MAP3K14: variants seen among roughly 807,000 people sequenced by gnomAD.
MAP3K14 encodes mitogen-activated protein kinase kinase kinase 14.
In MAP3K14, 16 loss-of-function variants were observed where a neutral mutation model predicts 99.2. The ratio of observed to expected loss-of-function variants is 0.16; its 90% CI spans 0.11 to 0.24. The LOEUF is 0.24. MAP3K14 is among the 10% of genes least tolerant of loss of function. The pLI is 1.00. For synonymous variants in MAP3K14, 462 were observed against 492.4 expected (o/e 0.94, Z 0.82); for missense variants, 784 against 1,208.7 (o/e 0.65, Z 5.21).
At chr17:45,291,103 T>A in intron 1 of MAP3K14, 1 of 222,198 alleles carries the variant, frequency 4.5e-6, no homozygotes, top group Non-Finnish European at 9.2e-6. Flanking sequence ...GATGGCTCGA[T>A]CTTTTTCTGT....
Position 45,316,940 on chromosome 17 carries a change from G to T in MAP3K14, c.-21+20C>A, listed in dbSNP as rs537757916. 5 of 152,076 alleles carry T rather than the reference G, an allele frequency of 3.3e-5. No individual in the cohort carries two copies. The South Asian group carries it at 1.0e-3, about 31-fold the overall frequency. The allele number at this position is 152,076 out of a possible 1,614,324, so 9.4% of individuals were successfully genotyped here. A position where few individuals can be genotyped will look rare whatever the true frequency, so the allele number is the denominator to read the frequency against. On this transcript the variant is annotated intron_variant, in intron 1 of 15. Coordinates refer to ENST00000344686, the MANE Select transcript of MAP3K14 (RefSeq NM_003954.5). ...CTGGTCGCCTCGCACCGGGCCCCAG[G>T]GTCCCGCCCCGTCACCTACCGGCCA...
intron 1 of MAP3K14, among the ~76,000 whole-genome samples, chr17:45,309,716 C>T (rs1227109752): frequency 2.0e-5 from 3 of 152,184 alleles, no homozygotes; most frequent in Non-Finnish European, 2.9e-5. Flanking sequence ...AAGCAGGTGT[C>T]CTGAAAGATG....
intron 14 of MAP3K14, among the ~76,000 whole-genome samples, chr17:45,265,547 C>T (rs924004949): frequency 3.9e-5 from 6 of 152,244 alleles, no homozygotes; most frequent in African/African-American, 1.4e-4. Flanking sequence ...AAGTGATTCT[C>T]CTGCCTCAGC....
chr17:45,290,925 A>G lies in MAP3K14; in HGVS notation c.-20-160T>C, dbSNP rs35351312. 105 of 643,158 alleles carry G rather than the reference A, an allele frequency of 1.6e-4. No individual in the cohort carries two copies. In the African/African-American group the frequency reaches 1.7e-3, roughly 11 times the overall value. 39.8% of individuals were successfully genotyped at this position (643,158 alleles called of 1,614,324 possible). A position where few individuals can be genotyped will look rare whatever the true frequency, so the allele number is the denominator to read the frequency against. ...CATCCTCCAAACATCCTCAATGGTA[A>G]CAGAGTCCACCTCTCAACAGCTACA... On this transcript the variant is annotated intron_variant, in intron 1 of 15. Coordinates refer to ENST00000344686, the MANE Select transcript of MAP3K14 (RefSeq NM_003954.5).
At chr17:45,295,742 C>T (rs2044342085) in intron 1 of MAP3K14, among the ~76,000 whole-genome samples, 2 of 152,246 alleles carry the variant, frequency 1.3e-5, no homozygotes, top group African/African-American at 4.8e-5. Context: ...CTCTTAGCTC[C>T]TTCAGAGCTG....
At chr17:45,282,018 G>A (rs1048417370) in intron 6 of MAP3K14, 3 of 152,094 alleles carry the variant, frequency 2.0e-5, no homozygotes, top group African/African-American at 7.2e-5. Flanking sequence ...AAAAGCAAAA[G>A]TCTCCATTCC....
chr17:45,285,109 G>A (rs1353330934), intron 5 of MAP3K14, among the ~76,000 whole-genome samples, 160 bp from the exon 6 acceptor site: 3 of 152,216 alleles, frequency 2.0e-5, no homozygotes, highest in South Asian at 4.1e-4. Context: ...GATCTGAGCC[G>A]GGCAGCACCA....
intron 1 of MAP3K14, among the ~76,000 whole-genome samples, chr17:45,315,545 A>G (rs892142258): frequency 6.6e-6 from 1 of 152,366 alleles, no homozygotes. Context: ...ACTGATTGAT[A>G]TCACTTAAAA....
rs1361791399 is a variant in MAP3K14, at chr17:45,278,272, CA to C, written c.1291-3680del. ...AGGTGGGAGGAGATACTTCAAAATA[CA>C]AGGTGCTTTAGAAGTCGGTGCCAGA... On this transcript the variant is annotated intron_variant, in intron 6 of 15. Coordinates refer to ENST00000344686, the MANE Select transcript of MAP3K14 (RefSeq NM_003954.5). Among the ~76,000 whole-genome samples, 7 of 152,276 alleles carry C rather than the reference CA, an allele frequency of 4.6e-5. No homozygotes were observed. The East Asian group carries it at 1.3e-3, about 29-fold the overall frequency.
intron 1 of MAP3K14, among the ~76,000 whole-genome samples, chr17:45,305,597 G>A (rs1052385101): frequency 2.6e-5 from 4 of 151,966 alleles, no homozygotes; most frequent in African/African-American, 9.7e-5. Context: ...AAATGGGATT[G>A]TGCCATCTTG....
intron 11 of MAP3K14, among the ~76,000 whole-genome samples, 169 bp downstream of exon 11, chr17:45,270,244 G>A (rs1003186276): frequency 6.6e-6 from 1 of 152,178 alleles, no homozygotes; most frequent in African/African-American, 2.4e-5. Flanking sequence ...GGGTCCAGGC[G>A]TGGCACTGTC....
rs35012373 is a variant in MAP3K14, at chr17:45,276,823, C to CTTTTT, written c.1291-2235_1291-2231dup. ...CCACTGTGCCCGGCCTCTTAGACTT[C>CTTTTT]TTTTTTTTTTTTTTTTTTTTTTTGA... On this transcript the variant is annotated intron_variant, in intron 6 of 15. Coordinates refer to ENST00000344686, the MANE Select transcript of MAP3K14 (RefSeq NM_003954.5). Among the ~76,000 whole-genome samples, 168 of 62,276 alleles carry CTTTTT rather than the reference C, an allele frequency of 2.7e-3. 1 individual carries two copies. The highest frequency in any genetic ancestry group is 3.5e-3 in the African/African-American group (50 of 14,164). 40.9% of individuals were successfully genotyped at this position (62,276 alleles called of 152,430 possible).
At chr17:45,310,727 C>T (rs765818378) in intron 1 of MAP3K14, among the ~76,000 whole-genome samples, 5 of 152,106 alleles carry the variant, frequency 3.3e-5, no homozygotes, top group Non-Finnish European at 5.9e-5. Flanking sequence ...TTACTAAATA[C>T]CCACTCTAGG....
chr17:45,316,510 A>C (rs922918163), intron 1 of MAP3K14, among the ~76,000 whole-genome samples: 3 of 152,160 alleles, frequency 2.0e-5, no homozygotes, highest in Non-Finnish European at 4.4e-5. Context: ...TGACCTGAGA[A>C]CTTCCCATGA....
At chr17:45,265,499 G>A (rs1210749208) in intron 14 of MAP3K14, among the ~76,000 whole-genome samples, 3 of 152,166 alleles carry the variant, frequency 2.0e-5, no homozygotes, top group African/African-American at 7.2e-5. Flanking sequence ...GTGCAGTGGC[G>A]TGATCTCAGT....
chr17:45,283,808 C>T (rs1388240946), intron 6 of MAP3K14, among the ~76,000 whole-genome samples: 1 of 152,210 alleles, frequency 6.6e-6, no homozygotes, highest in Non-Finnish European at 1.5e-5. Context: ...CTTACTTCAC[C>T]CTGCCCAGAG....
chr17:45,277,467 C>T (rs2044189514), intron 6 of MAP3K14, among the ~76,000 whole-genome samples: 1 of 152,152 alleles, frequency 6.6e-6, no homozygotes, highest in Admixed American at 6.5e-5. Context: ...GGTTTTTGGA[C>T]TTTTGCCTAT....
At chr17:45,302,522 G>A (rs1416714278) in intron 1 of MAP3K14, among the ~76,000 whole-genome samples, 1 of 152,042 alleles carries the variant, frequency 6.6e-6, no homozygotes, top group East Asian at 1.9e-4. Context: ...TGGCCAGGCT[G>A]GTCTCAAACT....
intron 6 of MAP3K14, among the ~76,000 whole-genome samples, chr17:45,279,072 C>T (rs941986293): frequency 6.6e-6 from 1 of 152,216 alleles, no homozygotes; most frequent in African/African-American, 2.4e-5. Flanking sequence ...CCCTCAATTG[C>T]CTGCACACTG....
Sources: gnomAD v4.1 joint callset for allele counts (sites outside exome capture counted in the v4.1 genomes callset) on GRCh38, gnomAD v4.1.1 for gene constraint, MANE v1.5 for transcripts, NCBI Gene and HGNC (gene_info 2026-07-23, HGNC 2026-07-21) for gene names.